CEP162: variants seen among roughly 807,000 people sequenced by gnomAD.
CEP162 encodes centrosomal protein 162.
CEP162 carries 141 observed loss-of-function variants against 169.2 expected under a neutral mutation model. The observed-to-expected ratio is 0.83, with a 90% CI of 0.73 to 0.96. The LOEUF (loss-of-function observed/expected upper bound fraction) is 0.96. CEP162 is among the 40% of genes least tolerant of loss of function. CEP162 has a pLI of 0.00. For synonymous variants in CEP162, 540 were observed against 526.4 expected, an observed-to-expected ratio of 1.03 and a Z score of -0.35; for missense variants, 1,600 against 1,587.2, an observed-to-expected ratio of 1.01 and a Z score of -0.14.
chr6:84,176,867 A>C (rs1325472677), intron 13 of CEP162, among the ~76,000 whole-genome samples: 2 of 151,924 alleles, frequency 1.3e-5, no homozygotes, highest in Non-Finnish European at 2.9e-5. Context: ...CAGTGGACTA[A>C]AGTATCAAGT....
chr6:84,212,155 C>A (rs1266392942), intron 6 of CEP162, among the ~76,000 whole-genome samples: 6 of 152,046 alleles, frequency 3.9e-5, no homozygotes, highest in Non-Finnish European at 7.4e-5. Flanking sequence ...CAGTAACCTG[C>A]ACTACAAGAA....
intron 25 of CEP162, among the ~76,000 whole-genome samples, chr6:84,140,341 G>A (rs549971483): frequency 8.5e-5 from 13 of 152,280 alleles, no homozygotes; most frequent in African/African-American, 3.1e-4. Context: ...ATGACTGGAG[G>A]TGTCTCTGTG....
At chr6:84,203,077 C>G (rs2099545299) in intron 7 of CEP162, among the ~76,000 whole-genome samples, 1 of 152,098 alleles carries the variant, frequency 6.6e-6, no homozygotes, top group Non-Finnish European at 1.5e-5. Flanking sequence ...CATAACAAAA[C>G]AACAATATTA....
intron 24 of CEP162, 104 bp from the exon 25 acceptor site, chr6:84,146,889 G>A: frequency 2.1e-6 from 1 of 484,198 alleles, no homozygotes. Context: ...ATATACTGTT[G>A]GTGGGAATGT....
At chr6:84,155,080 G>GATT (rs1256099637) in intron 22 of CEP162, among the ~76,000 whole-genome samples, 2 of 152,150 alleles carry the variant, frequency 1.3e-5, no homozygotes, top group African/African-American at 4.8e-5. Flanking sequence ...ATGATGTAAA[G>GATT]ATTATCCTGT....
rs1158738045 is a variant in CEP162, at chr6:84,155,403, T to TTCCACTGTATTTTTA, written c.2874_2888dup (p.Asp958_Val962dup). 13 of 1,613,612 alleles carry TTCCACTGTATTTTTA rather than the reference T, an allele frequency of 8.1e-6. No individual in the cohort carries two copies. The highest frequency in any genetic ancestry group is 1.0e-5 in the Non-Finnish European group (12 of 1,179,652). ...GCTTTTTTATCCTTTTCTCCATAAA[T>TTCCACTGTATTTTTA]TCCACTGTATTTTTATCCACTGTAT... is the stretch of plus-strand genomic sequence containing the variant. On this transcript the variant is annotated inframe_insertion, in exon 22 of 27. Coordinates refer to ENST00000403245, the MANE Select transcript of CEP162 (RefSeq NM_014895.4).
rs41271605 is a variant in CEP162 at position 84,185,224 on chromosome 6, C to T, written c.1626G>A (p.Leu542=). The stretch of plus-strand genomic sequence containing the variant: ...GTTGATTGGAGGTAGAAATCGATCT[C>T]AAGTTTTTGCTTTTTATAATGTCCT... ...TSEDIIKSKN[L]RSISTSNQPR... The change falls in exon 13 of 27, where the codon TTG becomes TTA. Residue 542 remains leucine, a synonymous_variant. Coordinates refer to ENST00000403245, the MANE Select transcript of CEP162 (RefSeq NM_014895.4). 63,690 of 1,611,932 alleles carry T rather than the reference C, an allele frequency of 0.04. 1,475 individuals are homozygous for T. The highest frequency in any genetic ancestry group is 0.047 in the Non-Finnish European group (55,312 of 1,178,210).
chr6:84,145,070 TA>T (rs1195726575), intron 25 of CEP162, among the ~76,000 whole-genome samples: 1 of 152,110 alleles, frequency 6.6e-6, no homozygotes, highest in East Asian at 1.9e-4. Context: ...TCGGACAACT[TA>T]AAAAAATACA....
intron 25 of CEP162, among the ~76,000 whole-genome samples, chr6:84,140,225 C>T (rs1315558092): frequency 7.9e-5 from 12 of 152,070 alleles, no homozygotes; most frequent in East Asian, 1.9e-4. Flanking sequence ...TAATAAGAGA[C>T]GGCAGTCCAT....
rs1274901092 is a variant in CEP162, at chr6:84,185,264, T to C, written c.1586A>G (p.Glu529Gly). 2.5e-6 allele frequency: 4 copies of C among 1,613,724 alleles called. 1 individual carries two copies. In the South Asian group the frequency reaches 4.4e-5, roughly 18 times the overall value. ...SSPLKMFSTLEKKTSEDIIKS... is the reference protein window; with the variant it reads ...SSPLKMFSTLGKKTSEDIIKS... ...TATAATGTCCTCTGAAGTTTTCTTT[T>C]CAAGAGTAGAAAACATCTTGAGTGG... is the stretch of plus-strand genomic sequence containing the variant. Residue 529 changes from glutamate (E) to glycine (G), a missense_variant, in exon 13 of 27, where the codon GAA becomes GGA. Glu to Gly is a moderately conservative substitution (Grantham distance 98). Coordinates refer to ENST00000403245, the MANE Select transcript of CEP162 (RefSeq NM_014895.4).
At chr6:84,198,021 T>G (rs1204384639) in intron 9 of CEP162, among the ~76,000 whole-genome samples, 5 of 152,132 alleles carry the variant, frequency 3.3e-5, no homozygotes, top group Non-Finnish European at 1.5e-5. Flanking sequence ...TTAGGAAACC[T>G]TAAGTTTTAT....
At position 84,146,758 on chromosome 6, in the gene CEP162, C is replaced by CTT. The variant is rs1432296132; in HGVS notation, c.3797_3798dup (p.Val1267LysfsTer13). On this transcript the variant is annotated frameshift_variant, in exon 25 of 27. Transcript: ENST00000403245. LOFTEE classifies it high-confidence loss of function. ...TCTTGTTTACTCTGCAGCTCATTAA[C>CTT]TTGACTTTGGAAATGTCTTATAAGT... The CTT allele has an allele frequency of 6.3e-7, 1 of 1,577,148 alleles. No homozygotes were observed.
intron 17 of CEP162, 86 bp from the exon 18 acceptor site, chr6:84,169,519 AAACT>A: frequency 1.3e-6 from 1 of 757,176 alleles, no homozygotes; most frequent in South Asian, 2.0e-5. Flanking sequence ...TAAAAATTAA[AAACT>A]AACATACATT....
rs1287659037 is a variant in CEP162, at chr6:84,224,336, C to T, written c.57+2001G>A. Among the ~76,000 whole-genome samples, 6 of 152,228 alleles carry T rather than the reference C, an allele frequency of 3.9e-5. No individual in the cohort carries two copies. The South Asian group carries it at 6.2e-4, about 16-fold the overall frequency. ...ATTTCTATGAAATGTCTGTAACAGG[C>T]AAACATTTAGAGACAGAAGTCAGCT... On this transcript the variant is annotated intron_variant, in intron 2 of 26. Coordinates refer to ENST00000403245, the MANE Select transcript of CEP162 (RefSeq NM_014895.4).
intron 13 of CEP162, among the ~76,000 whole-genome samples, chr6:84,183,206 A>G (rs2099535685): frequency 6.6e-6 from 1 of 152,090 alleles, no homozygotes; most frequent in African/African-American, 2.4e-5. Context: ...AATATGAAAA[A>G]TGAGTTTAAG....
chr6:84,221,032 G>C, intron 3 of CEP162, 25 bp downstream of exon 3: 1 of 1,280,348 alleles, frequency 7.8e-7, no homozygotes, highest in Non-Finnish European at 1.1e-6. Flanking sequence ...CAAATAATTT[G>C]AAACTAAAAA....
chr6:84,194,327 C>T (rs2099541145), intron 10 of CEP162, among the ~76,000 whole-genome samples: 1 of 147,898 alleles, frequency 6.8e-6, no homozygotes, highest in South Asian at 2.2e-4. Flanking sequence ...TGCACTCCAG[C>T]CTGGGCGACA....
chr6:84,217,904 T>C (rs1330051963), intron 3 of CEP162: 1 of 152,022 alleles, frequency 6.6e-6, no homozygotes, highest in Non-Finnish European at 1.5e-5. Context: ...GATAGCAAGG[T>C]TCATAAGGAG....
intron 18 of CEP162, among the ~76,000 whole-genome samples, chr6:84,165,248 C>T (rs1362048619): frequency 3.9e-5 from 6 of 151,946 alleles, no homozygotes; most frequent in Non-Finnish European, 7.4e-5. Flanking sequence ...GCACTCATCA[C>T]CACCTGACAT....
Sources: allele counts gnomAD v4.1 joint callset (sites outside exome capture counted in the v4.1 genomes callset), GRCh38; gene constraint gnomAD v4.1.1; transcripts MANE v1.5; gene names NCBI Gene and HGNC (gene_info 2026-07-23, HGNC 2026-07-21).